Variants in ABTB2 observed in about 807,000 individuals in gnomAD.
ABTB2 encodes ankyrin repeat and BTB/POZ domain-containing protein 2.
ABTB2 carries 56 observed loss-of-function variants against 104.1 expected under a neutral mutation model. The ratio of observed to expected loss-of-function variants is 0.54; its 90% confidence interval spans 0.43 to 0.67. ABTB2 has a LOEUF of 0.67. Among genes scored for constraint, ABTB2 ranks in the 30% least tolerant of loss-of-function variants. ABTB2 has a pLI of 0.00. For missense variants in ABTB2, 1,279 were observed against 1,407.7 expected (o/e 0.91, Z 1.46); for synonymous variants, 606 against 608.2 (o/e 1.00, Z 0.05).
At chr11:34,158,284 G>T (rs1166972163) in intron 14 of ABTB2, among the ~76,000 whole-genome samples, 1 of 152,148 alleles carries the variant, frequency 6.6e-6, no homozygotes, top group Admixed American at 6.5e-5. Context: ...GTGGTGGCGG[G>T]CGCCTGTAGT....
chr11:34,256,868 T>C (rs1854129776), intron 1 of ABTB2, among the ~76,000 whole-genome samples: 1 of 152,182 alleles, frequency 6.6e-6, no homozygotes, highest in South Asian at 2.1e-4. Context: ...AAATTCTCCG[T>C]TTTGTGGACT....
chr11:34,293,309 G>A (rs1161138915), intron 1 of ABTB2, among the ~76,000 whole-genome samples: 1 of 152,172 alleles, frequency 6.6e-6, no homozygotes, highest in Non-Finnish European at 1.5e-5. Flanking sequence ...CGAGGAGGCT[G>A]GAGGAGAGTT....
intron 1 of ABTB2, among the ~76,000 whole-genome samples, chr11:34,211,713 G>A (rs11032553): frequency 0.55 from 82,570 of 151,412 alleles, 24,452 homozygotes; most frequent in Non-Finnish European, 0.67. Context: ...GTCCAACATG[G>A]TGAAAATACA....
chr11:34,164,773 AG>A lies in ABTB2; in HGVS notation c.1900del (p.Leu634SerfsTer18). The A allele has an allele frequency of 6.4e-7, 1 of 1,570,610 alleles. No individual in the cohort carries two copies. The highest frequency in any genetic ancestry group is 1.2e-5 in the South Asian group (1 of 83,758). ...SLLLSRGADP[L>X]LSMLEAHGMG... The stretch of plus-strand genomic sequence containing the variant: ...GCCGTGGGCCTCCAGCATGCTGAGG[AG>A]GGGGTCGGCGCCTCGGCTCAGCAAC... On this transcript the variant is annotated frameshift_variant, in exon 9 of 17. Coordinates refer to ENST00000435224, the MANE Select transcript of ABTB2 (RefSeq NM_145804.3). LOFTEE classifies it high-confidence loss of function.
intron 1 of ABTB2, among the ~76,000 whole-genome samples, chr11:34,295,837 T>A (rs2133095568): frequency 6.6e-6 from 1 of 152,212 alleles, no homozygotes; most frequent in East Asian, 1.9e-4. Flanking sequence ...CTACCTGGGG[T>A]CCCTTTTATA....
intron 1 of ABTB2, among the ~76,000 whole-genome samples, chr11:34,312,874 C>A (rs1033207765): frequency 6.6e-6 from 1 of 152,114 alleles, no homozygotes; most frequent in Non-Finnish European, 1.5e-5. Context: ...CTACTATTCT[C>A]ATTTTATAGG....
chr11:34,235,766 A>C (rs943958378), intron 1 of ABTB2, among the ~76,000 whole-genome samples: 1 of 152,208 alleles, frequency 6.6e-6, no homozygotes, highest in Non-Finnish European at 1.5e-5. Context: ...CACTTTGCAG[A>C]GCTTTTTCTG....
At chr11:34,301,071 C>T (rs1384126519) in intron 1 of ABTB2, among the ~76,000 whole-genome samples, 1 of 152,136 alleles carries the variant, frequency 6.6e-6, no homozygotes, top group Non-Finnish European at 1.5e-5. Context: ...TTTGTGGTCT[C>T]ATGTCTCTCT....
At chr11:34,162,470 C>T in intron 10 of ABTB2, 106 bp downstream of exon 10, 1 of 1,237,114 alleles carries the variant, frequency 8.1e-7, no homozygotes, top group Non-Finnish European at 1.1e-6. Flanking sequence ...GCTTGTCTGT[C>T]CCTGCAGGCC....
chr11:34,280,735 G>T (rs976330640), intron 1 of ABTB2, among the ~76,000 whole-genome samples: 4 of 152,166 alleles, frequency 2.6e-5, no homozygotes, highest in Non-Finnish European at 5.9e-5. Context: ...CAACCACCCT[G>T]CGAGGTAAGT....
At position 34,260,438 on chromosome 11, in the gene ABTB2, G is replaced by A. The variant is rs577357892; in HGVS notation, c.884-55748C>T. ...ACAGAAGGTCCCAACCGCTGATCACGGTGTAATTCAATGAGGGGTCTCTGA... is the reference window on the plus strand; with the variant it reads ...ACAGAAGGTCCCAACCGCTGATCACAGTGTAATTCAATGAGGGGTCTCTGA... On this transcript the variant is annotated intron_variant, in intron 1 of 16. Coordinates refer to ENST00000435224, the MANE Select transcript of ABTB2 (RefSeq NM_145804.3). Among the ~76,000 whole-genome samples, 378 of 152,304 alleles carry A rather than the reference G, an allele frequency of 2.5e-3. 2 individuals carry two copies. Among genetic ancestry groups the A allele is most frequent in the African/African-American group, 8.5e-3 (355 of 41,572 alleles).
chr11:34,165,191 A>C (rs1326173569), intron 8 of ABTB2, 69 bp downstream of exon 8: 33 of 1,399,696 alleles, frequency 2.4e-5, no homozygotes, highest in African/African-American at 5.7e-5. Flanking sequence ...ACGTCCAGCT[A>C]CATGCCTGGC....
rs577501827 is a variant in ABTB2, at chr11:34,252,817, G to A, written c.884-48127C>T. Among the ~76,000 whole-genome samples the A allele has an allele frequency of 6.6e-6, 1 of 152,102 alleles. No individual in the cohort carries two copies. The highest frequency in any genetic ancestry group is 2.1e-4 in the South Asian group (1 of 4,806). On this transcript the variant is annotated intron_variant, in intron 1 of 16. Transcript: ENST00000435224. The surrounding 1 kb of genome is among the most constrained non-coding windows in gnomAD (Gnocchi z 5.5). ...AACTGGACTCCCAGCTGGGCCAGAG[G>A]AGGCTGGGGGACCTCCTGGGAGCTT...
intron 1 of ABTB2, among the ~76,000 whole-genome samples, chr11:34,237,324 A>G (rs957472372): frequency 1.5e-5 from 2 of 129,370 alleles, no homozygotes; most frequent in African/African-American, 6.1e-5. Flanking sequence ...TCTATTGCCC[A>G]GGCTGGGCAG....
At chr11:34,208,754 G>C (rs1183070884) in intron 1 of ABTB2, among the ~76,000 whole-genome samples, 1 of 151,984 alleles carries the variant, frequency 6.6e-6, no homozygotes, top group Middle Eastern at 3.2e-3. Flanking sequence ...GGAGAGACCT[G>C]TGAGTCACCC....
In ABTB2 at chr11:34,154,226, TGTGGTGGGA is replaced by T. The variant is rs1565125359; in HGVS notation, c.2880+30_2880+38del. ...GCCGAGGCCCCCGTGGAGCAGAGCA[TGTGGTGGGA>T]GGTGGCCAGCAGGCATCCTTGGCCC... On this transcript the variant is annotated intron_variant, in intron 16 of 16. Transcript: ENST00000435224. This position sits in a 1 kb window ranked among gnomAD's most constrained non-coding sequence, Gnocchi z 4.9. 1.3e-6 allele frequency: 2 copies of T among 1,505,520 alleles called. No individual in the cohort carries two copies. Among genetic ancestry groups the T allele is most frequent in the Non-Finnish European group, 1.8e-6 (2 of 1,083,252 alleles). 93.3% of individuals were successfully genotyped at this position (1,505,520 alleles called of 1,614,324 possible). A position where few individuals can be genotyped will look rare whatever the true frequency, so the allele number is the denominator to read the frequency against.
At chr11:34,278,049 C>T (rs937768877) in intron 1 of ABTB2, among the ~76,000 whole-genome samples, 1 of 151,722 alleles carries the variant, frequency 6.6e-6, no homozygotes, top group Non-Finnish European at 1.5e-5. Context: ...GTGATCTGCC[C>T]GCCTCGCCCT....
intron 1 of ABTB2, among the ~76,000 whole-genome samples, chr11:34,232,982 C>A (rs150886641): frequency 1.3e-5 from 2 of 151,510 alleles, no homozygotes; most frequent in Non-Finnish European, 2.9e-5. Context: ...AACCTCCCCC[C>A]AAAACCCCAA....
At chr11:34,216,396 T>C (rs1464250317) in intron 1 of ABTB2, among the ~76,000 whole-genome samples, 1 of 152,186 alleles carries the variant, frequency 6.6e-6, no homozygotes, top group Admixed American at 6.6e-5. Flanking sequence ...TTTTTAAGAA[T>C]GTCATATAGT....
Sources: allele counts gnomAD v4.1 joint callset (sites outside exome capture counted in the v4.1 genomes callset), GRCh38; gene constraint gnomAD v4.1.1; non-coding constraint Gnocchi (gnomAD v3.1); transcripts MANE v1.5; gene names NCBI Gene and HGNC (gene_info 2026-07-23, HGNC 2026-07-21).